The following TMEM63B variants were observed in gnomAD, a reference collection of about 807,000 sequenced individuals.
TMEM63B encodes mechanosensitive cation channel TMEM63B.
A neutral mutation model predicts 102.6 loss-of-function variants in TMEM63B; 23 were observed. The observed-to-expected ratio is 0.22, with a 90% CI of 0.16 to 0.32. The LOEUF is 0.32. TMEM63B is among the 10% of genes least tolerant of loss of function. TMEM63B has a pLI of 1.00. For synonymous variants in TMEM63B, 444 were observed against 437.0 expected (o/e 1.02, Z -0.20); for missense variants, 628 against 1,095.9 (o/e 0.57, Z 6.03).
Position 44,134,556 on chromosome 6 carries a change from C to A in TMEM63B, c.-24-5C>A, listed in dbSNP as rs768954379. 6.2e-6 allele frequency: 10 copies of A among 1,610,840 alleles called. No individual in the cohort carries two copies. The highest frequency in any genetic ancestry group is 8.5e-6 in the Non-Finnish European group (10 of 1,178,078). ...GCCCAGCTGACTGCTCCACCCTCTGCCCAGGAGGACCATGCGGCAGTAGCA... is the reference window on the plus strand; with the variant it reads ...GCCCAGCTGACTGCTCCACCCTCTGACCAGGAGGACCATGCGGCAGTAGCA... On this transcript the variant is annotated splice_region_variant and splice_polypyrimidine_tract_variant and intron_variant, in intron 1 of 23. Coordinates refer to ENST00000323267, the MANE Select transcript of TMEM63B (RefSeq NM_018426.3).
At chr6:44,142,334 A>C (rs1254719700) in intron 10 of TMEM63B, among the ~76,000 whole-genome samples, 2 of 150,356 alleles carry the variant, frequency 1.3e-5, no homozygotes, top group African/African-American at 4.9e-5. Context: ...ATATGGTGAA[A>C]CCCCGTCTCT....
chr6:44,134,790 A>C, intron 2 of TMEM63B, 47 bp downstream of exon 2: 1 of 1,588,896 alleles, frequency 6.3e-7, no homozygotes, highest in East Asian at 2.2e-5. Context: ...TGCCCTGTAC[A>C]CACCTGGCAA....
intron 1 of TMEM63B, among the ~76,000 whole-genome samples, chr6:44,129,097 A>G (rs370467563): frequency 1.1e-3 from 161 of 152,360 alleles, no homozygotes; most frequent in African/African-American, 3.6e-3. Flanking sequence ...TTCATTAAAA[A>G]GTGTTTATGC....
At chr6:44,130,051 G>C (rs577190769) in intron 1 of TMEM63B, among the ~76,000 whole-genome samples, 59 of 152,336 alleles carry the variant, frequency 3.9e-4, no homozygotes, top group African/African-American at 1.1e-3. Context: ...CAAACCCAAG[G>C]CCTGAGTGGA....
intron 6 of TMEM63B, chr6:44,138,736 G>GCCGC: frequency 3.6e-6 from 1 of 280,538 alleles, no homozygotes; most frequent in Admixed American, 5.3e-5. Flanking sequence ...CCCCCTGCCG[G>GCCGC]CCCCCCCGCT....
chr6:44,150,089 G>A lies in TMEM63B; in HGVS notation c.1520+124G>A, dbSNP rs1269588598. The stretch of plus-strand genomic sequence containing the variant: ...CAGTCCCACAGCTGGTAGGGAAGGG[G>A]TAGTGCCCAGCACCCTCACCTTGGG... On this transcript the variant is annotated intron_variant, in intron 16 of 23. Transcript: ENST00000323267. This position sits in a 1 kb window ranked among gnomAD's most constrained non-coding sequence, Gnocchi z 4.7. The A allele has an allele frequency of 1.5e-6, 2 of 1,300,904 alleles. No homozygotes were observed. Among genetic ancestry groups the A allele is most frequent in the South Asian group, 1.3e-5 (1 of 76,690 alleles). The allele number at this position is 1,300,904 out of a possible 1,614,324, so 80.6% of individuals were successfully genotyped here. A position where few individuals can be genotyped will look rare whatever the true frequency, so the allele number is the denominator to read the frequency against.
chr6:44,150,567 G>A lies in TMEM63B; in HGVS notation c.1611G>A (p.Leu537=). ...TCTCTCCTCTGCTTCCCTCCAGCCT[G>A]GACCTCTTCTTCCGCTGGCTCTTTG... The part of the protein sequence containing the change: ...LLLPSLGLSS[L]DLFFRWLFDK... The change falls in exon 18 of 24, where the codon CTG becomes CTA. Residue 537 remains leucine, a synonymous_variant. Coordinates refer to ENST00000323267, the MANE Select transcript of TMEM63B (RefSeq NM_018426.3). The surrounding 1 kb of genome is among the most constrained non-coding windows in gnomAD (Gnocchi z 4.7). The A allele has an allele frequency of 6.2e-7, 1 of 1,614,136 alleles. No individual in the cohort carries two copies. Among genetic ancestry groups the A allele is most frequent in the Non-Finnish European group, 8.5e-7 (1 of 1,180,018 alleles).
At chr6:44,128,318 C>T (rs1175637960) in intron 1 of TMEM63B, among the ~76,000 whole-genome samples, 2 of 152,200 alleles carry the variant, frequency 1.3e-5, no homozygotes, top group Non-Finnish European at 2.9e-5. Flanking sequence ...TCCTTGCGCC[C>T]CACACAGTGC....
chr6:44,132,341 C>G, intron 1 of TMEM63B: 1 of 985,344 alleles, frequency 1.0e-6, no homozygotes. Context: ...CTGCTGGGGC[C>G]ACTTCATGTA....
chr6:44,136,534 G>A, intron 5 of TMEM63B, 95 bp downstream of exon 5: 1 of 908,962 alleles, frequency 1.1e-6, no homozygotes. Flanking sequence ...TGGAGTCAGG[G>A]ATGCTGGTTT....
At chr6:44,147,004 G>C in intron 11 of TMEM63B, 77 bp downstream of exon 11, 1 of 1,485,408 alleles carries the variant, frequency 6.7e-7, no homozygotes, top group Non-Finnish European at 9.4e-7. Flanking sequence ...TACCACACAG[G>C]CTCCCCTTCT....
chr6:44,148,749 C>G lies in TMEM63B; in HGVS notation c.1260-43C>G, dbSNP rs766503460. ...TGTCTTGGTGTCACTGGGGGCCAAT[C>G]CTGCCCTTGGTTCCTGGACTGACCG... On this transcript the variant is annotated intron_variant, in intron 14 of 23. Coordinates refer to ENST00000323267, the MANE Select transcript of TMEM63B (RefSeq NM_018426.3). This position sits in a 1 kb window ranked among gnomAD's most constrained non-coding sequence, Gnocchi z 5.1. The G allele has an allele frequency of 5.6e-6, 9 of 1,612,290 alleles. No homozygotes were observed. The highest frequency in any genetic ancestry group is 6.8e-6 in the Non-Finnish European group (8 of 1,178,632).
chr6:44,138,434 G>C (rs1264083588), intron 5 of TMEM63B, 46 bp from the exon 6 acceptor site: 1 of 1,613,596 alleles, frequency 6.2e-7, no homozygotes, highest in South Asian at 1.1e-5. Flanking sequence ...GAGAGGTTCG[G>C]GTTGGTGGGC....
intron 15 of TMEM63B, 86 bp from the exon 16 acceptor site, chr6:44,149,773 G>T: frequency 9.2e-7 from 1 of 1,084,004 alleles, no homozygotes; most frequent in Non-Finnish European, 1.4e-6. Flanking sequence ...TGAGGCCAAG[G>T]GCCCAGCTGG....
chr6:44,148,959 C>G lies in TMEM63B; in HGVS notation c.1413+14C>G. ...GAGTACCTCAACGTGAGGCCTCATG[C>G]CCCTGTCACTTTCCACGCTGGGTCA... is the stretch of plus-strand genomic sequence containing the variant. On this transcript the variant is annotated intron_variant, in intron 15 of 23. Coordinates refer to ENST00000323267, the MANE Select transcript of TMEM63B (RefSeq NM_018426.3). This position sits in a 1 kb window ranked among gnomAD's most constrained non-coding sequence, Gnocchi z 5.1. The G allele has an allele frequency of 2.5e-6, 4 of 1,614,058 alleles. No individual in the cohort carries two copies. The highest frequency in any genetic ancestry group is 3.4e-6 in the Non-Finnish European group (4 of 1,179,994).
Position 44,150,951 on chromosome 6 carries a change from GACTA to G in TMEM63B, c.1673+326_1673+329del, listed in dbSNP as rs1307197198. Among the ~76,000 whole-genome samples, 1 of 152,152 alleles carries G rather than the reference GACTA, an allele frequency of 6.6e-6. No individual in the cohort carries two copies. The highest frequency in any genetic ancestry group is 1.5e-5 in the Non-Finnish European group (1 of 68,034). On this transcript the variant is annotated intron_variant, in intron 18 of 23. Coordinates refer to ENST00000323267, the MANE Select transcript of TMEM63B (RefSeq NM_018426.3). This position sits in a 1 kb window ranked among gnomAD's most constrained non-coding sequence, Gnocchi z 4.7. ...GGGGTGTCTTGTGCCCATATTCTGGGACTAACTGTGGGCGTCTCTGGAGTTCCAC... is the reference window on the plus strand; with the variant it reads ...GGGGTGTCTTGTGCCCATATTCTGGGACTGTGGGCGTCTCTGGAGTTCCAC...
intron 10 of TMEM63B, among the ~76,000 whole-genome samples, chr6:44,145,002 T>G (rs1765052163): frequency 6.6e-6 from 1 of 151,906 alleles, no homozygotes; most frequent in Non-Finnish European, 1.5e-5. Flanking sequence ...ACTGGCCAGG[T>G]GCGGTGGCTC....
intron 1 of TMEM63B, 60 bp from the exon 2 acceptor site, chr6:44,134,501 C>G (rs1762544739): frequency 6.5e-7 from 1 of 1,534,590 alleles, no homozygotes; most frequent in South Asian, 1.2e-5. Flanking sequence ...CCACGCCCAC[C>G]CTACTGGGCC....
At chr6:44,142,966 G>A (rs542006756) in intron 10 of TMEM63B, among the ~76,000 whole-genome samples, 13 of 152,286 alleles carry the variant, frequency 8.5e-5, no homozygotes, top group African/African-American at 2.6e-4. Context: ...AACTGATTGC[G>A]CCACTGTACT....
Sources: gnomAD v4.1 joint callset for allele counts (sites outside exome capture counted in the v4.1 genomes callset) on GRCh38, gnomAD v4.1.1 for gene constraint, Gnocchi (gnomAD v3.1) non-coding constraint, MANE v1.5 for transcripts, NCBI Gene and HGNC (gene_info 2026-07-23, HGNC 2026-07-21) for gene names.